Variants in EPC2 observed in about 807,000 individuals in gnomAD.
EPC2 encodes enhancer of polycomb 2.
Under a neutral mutation model 92.1 loss-of-function variants are expected in EPC2, and 14 were observed. That is an observed-to-expected ratio of 0.15 (90% CI 0.10 to 0.24). The LOEUF is 0.24. EPC2 is among the 10% of genes least tolerant of loss of function. The pLI is 1.00. For missense variants in EPC2, 755 were observed against 971.5 expected (o/e 0.78, Z 2.96); for synonymous variants, 340 against 334.7 (o/e 1.02, Z -0.17).
At chr2:148,721,091 T>C (rs1165870380) in intron 2 of EPC2, among the ~76,000 whole-genome samples, 1 of 152,166 alleles carries the variant, frequency 6.6e-6, no homozygotes, top group African/African-American at 2.4e-5. Context: ...AGTAAGAAAA[T>C]AAAAGTTTTT....
intron 2 of EPC2, among the ~76,000 whole-genome samples, chr2:148,737,827 G>A (rs1682794322): frequency 6.6e-6 from 1 of 151,550 alleles, no homozygotes. Context: ...AAAAAAAAGT[G>A]CAAAAAAATC....
At chr2:148,732,879 A>G (rs994319873) in intron 2 of EPC2, among the ~76,000 whole-genome samples, 1 of 148,188 alleles carries the variant, frequency 6.7e-6, no homozygotes, top group Non-Finnish European at 1.5e-5. Context: ...TAGCAGACAT[A>G]TTTGTATTTT....
chr2:148,645,383 T>C lies in EPC2; in HGVS notation c.153+213T>C, dbSNP rs1683774637. The C allele has an allele frequency of 6.0e-6, 3 of 501,276 alleles. 1 individual carries two copies. Among genetic ancestry groups the C allele is most frequent in the Non-Finnish European group, 1.1e-5 (3 of 280,862 alleles). 31.1% of individuals were successfully genotyped at this position (501,276 alleles called of 1,614,324 possible). The stretch of plus-strand genomic sequence containing the variant: ...ATGTTGTTGCGTCCCAGTGTTGTGA[T>C]TAGCTCGCAGCGCTGCTTACGCTGC... On this transcript the variant is annotated intron_variant, in intron 1 of 13. Transcript: ENST00000258484.
At chr2:148,690,471 A>G in intron 2 of EPC2, 98 bp downstream of exon 2, 1 of 1,070,756 alleles carries the variant, frequency 9.3e-7, no homozygotes, top group Non-Finnish European at 1.3e-6. Flanking sequence ...TTTTTAATTC[A>G]TACACACTGA....
In EPC2 at chr2:148,671,608, C is replaced by A. The variant is rs138027146; in HGVS notation, c.154-18606C>A. On this transcript the variant is annotated intron_variant, in intron 1 of 13. Transcript: ENST00000258484. ...CAGCCTGGGCAACAGAGCAAGACCCCATCCCCCCAAAAAAAGTCATCTTTT... is the reference window on the plus strand; with the variant it reads ...CAGCCTGGGCAACAGAGCAAGACCCAATCCCCCCAAAAAAAGTCATCTTTT... Among the ~76,000 whole-genome samples, 1,091 of 151,690 alleles carry A rather than the reference C, an allele frequency of 7.2e-3. 6 individuals carry two copies. The highest frequency in any genetic ancestry group is 0.025 in the African/African-American group (1,025 of 41,480).
chr2:148,682,183 T>C (rs1014049199), intron 1 of EPC2, among the ~76,000 whole-genome samples: 3 of 152,202 alleles, frequency 2.0e-5, no homozygotes, highest in Admixed American at 2.0e-4. Flanking sequence ...AGTAAACATA[T>C]GTGTGCATGT....
At chr2:148,777,458 T>C (rs1236319900) in intron 10 of EPC2, among the ~76,000 whole-genome samples, 4 of 152,204 alleles carry the variant, frequency 2.6e-5, no homozygotes, top group Non-Finnish European at 4.4e-5. Context: ...TACTCTGTTA[T>C]GGGATGATGA....
chr2:148,717,004 T>C (rs1682274271), intron 2 of EPC2, among the ~76,000 whole-genome samples: 1 of 152,196 alleles, frequency 6.6e-6, no homozygotes, highest in Non-Finnish European at 1.5e-5. Context: ...CCATTTCTTC[T>C]AGATTTTCTA....
chr2:148,748,048 T>A (rs1440935636), intron 3 of EPC2, among the ~76,000 whole-genome samples: 1 of 151,996 alleles, frequency 6.6e-6, no homozygotes, highest in African/African-American at 2.4e-5. Context: ...ATCGTGAGAG[T>A]GGATTTTCCC....
intron 10 of EPC2, among the ~76,000 whole-genome samples, chr2:148,773,899 T>C (rs143300525): frequency 3.3e-4 from 50 of 152,286 alleles, no homozygotes; most frequent in African/African-American, 1.2e-3. Flanking sequence ...GATGGATATA[T>C]ACAAAAGAAT....
At chr2:148,686,719 G>A (rs1681534050) in intron 1 of EPC2, among the ~76,000 whole-genome samples, 1 of 152,216 alleles carries the variant, frequency 6.6e-6, no homozygotes, top group South Asian at 2.1e-4. Flanking sequence ...ATCGCCATCA[G>A]ACTTCTTGGG....
rs150073204 is a variant in EPC2 at position 148,709,758 on chromosome 2, A to C, written c.313+19385A>C. ...CAAGCAATGGGGAAAAGGATTCCCT[A>C]TTTAATAAATGGTGCTGGGAAAACT... is the stretch of plus-strand genomic sequence containing the variant. On this transcript the variant is annotated intron_variant, in intron 2 of 13. Transcript: ENST00000258484. Among the ~76,000 whole-genome samples, 345 of 152,352 alleles carry C rather than the reference A, an allele frequency of 2.3e-3. 3 individuals carry two copies. Among genetic ancestry groups the C allele is most frequent in the African/African-American group, 7.9e-3 (327 of 41,590 alleles).
At chr2:148,746,331 T>A (rs1682984110) in intron 3 of EPC2, among the ~76,000 whole-genome samples, 1 of 152,098 alleles carries the variant, frequency 6.6e-6, no homozygotes. Context: ...GGAACTGAAC[T>A]TACTGTCTTA....
intron 2 of EPC2, among the ~76,000 whole-genome samples, chr2:148,719,120 A>G (rs902737418): frequency 3.9e-5 from 6 of 152,046 alleles, no homozygotes; most frequent in African/African-American, 1.4e-4. Flanking sequence ...TAAACTGGCT[A>G]TTCTGGTTAT....
chr2:148,682,778 G>A (rs1241819466), intron 1 of EPC2, among the ~76,000 whole-genome samples: 1 of 152,070 alleles, frequency 6.6e-6, no homozygotes, highest in East Asian at 1.9e-4. Context: ...ATGGCCAATC[G>A]TGTTTTGTCT....
At chr2:148,663,592 ATTTTTTTTTTTTT>A (rs56911412) in intron 1 of EPC2, among the ~76,000 whole-genome samples, 11 of 74,350 alleles carry the variant, frequency 1.5e-4, no homozygotes, top group South Asian at 6.5e-4. Context: ...ATAGATTAAG[ATTTTTTTTTTTTT>A]TTTTTTTTTT....
intron 2 of EPC2, among the ~76,000 whole-genome samples, chr2:148,718,579 G>T (rs1682303455): frequency 6.6e-6 from 1 of 152,166 alleles, no homozygotes; most frequent in Non-Finnish European, 1.5e-5. Context: ...GTCTCTTCTG[G>T]TTTGTAGGAT....
At chr2:148,683,339 C>A (rs1558808234) in intron 1 of EPC2, among the ~76,000 whole-genome samples, 1 of 151,692 alleles carries the variant, frequency 6.6e-6, no homozygotes, top group Non-Finnish European at 1.5e-5. Context: ...ATGATCTCGG[C>A]TCACTGCAAC....
chr2:148,709,432 T>C (rs1020145965), intron 2 of EPC2, among the ~76,000 whole-genome samples: 1 of 152,180 alleles, frequency 6.6e-6, no homozygotes, highest in African/African-American at 2.4e-5. Context: ...AGGTAATTTA[T>C]AGATTAAATG....
Sources: gnomAD v4.1 joint callset for allele counts (sites outside exome capture counted in the v4.1 genomes callset) on GRCh38, gnomAD v4.1.1 for gene constraint, MANE v1.5 for transcripts, NCBI Gene and HGNC (gene_info 2026-07-23, HGNC 2026-07-21) for gene names.